Variants in MKRN1 observed in about 807,000 individuals in gnomAD.
The protein encoded by MKRN1 is makorin ring finger protein 1.
In MKRN1, 9 loss-of-function variants were observed where a neutral mutation model predicts 55.5. That is an observed-to-expected ratio of 0.16 (90% CI 0.10 to 0.28). The LOEUF (loss-of-function observed/expected upper bound fraction) is 0.28, where lower values mean the gene tolerates loss of function less well. Ranked by LOEUF, MKRN1 falls within the 10% of genes least tolerant of loss-of-function variation. The probability of loss-of-function intolerance (pLI) is 1.00; values close to 1 mark genes in which losing one functional copy is unlikely to be tolerated. For missense variants in MKRN1, 488 were observed against 626.7 expected (o/e 0.78, Z 2.36); for synonymous variants, 253 against 235.9 (o/e 1.07, Z -0.66).
intron 1 of MKRN1, among the ~76,000 whole-genome samples, chr7:140,476,675 G>A (rs1795127303): frequency 6.6e-6 from 1 of 151,506 alleles, no homozygotes; most frequent in Non-Finnish European, 1.5e-5. Context: ...CTCAGTAACT[G>A]AGTATCCTGT....
At chr7:140,464,648 T>C (rs1270169582) in intron 2 of MKRN1, among the ~76,000 whole-genome samples, 8 of 151,716 alleles carry the variant, frequency 5.3e-5, no homozygotes, top group Admixed American at 2.0e-4. Flanking sequence ...GAGGTTGCAG[T>C]GAGCCAAGAT....
chr7:140,473,427 C>A (rs764895891), intron 1 of MKRN1: 3 of 295,564 alleles, frequency 1.0e-5, no homozygotes, highest in Non-Finnish European at 2.0e-5. Context: ...CAAGAAACTG[C>A]CAAGTTACCC....
intron 2 of MKRN1, among the ~76,000 whole-genome samples, chr7:140,465,184 C>G (rs1159246182): frequency 6.6e-6 from 1 of 152,088 alleles, no homozygotes; most frequent in Non-Finnish European, 1.5e-5. Flanking sequence ...GGTCCAAAAA[C>G]CAAAACTCCA....
At chr7:140,476,464 T>A (rs1256318439) in intron 1 of MKRN1, among the ~76,000 whole-genome samples, 1 of 89,376 alleles carries the variant, frequency 1.1e-5, no homozygotes, top group East Asian at 2.8e-4. Context: ...AGAGCGACAC[T>A]CCATCTCAAA....
intron 1 of MKRN1, 192 bp from the exon 2 acceptor site, chr7:140,472,203 C>G (rs928052472): frequency 1.4e-6 from 1 of 691,064 alleles, no homozygotes; most frequent in African/African-American, 1.8e-5. Flanking sequence ...AGTGGCTCAC[C>G]TGAGGTCAGG....
intron 2 of MKRN1, among the ~76,000 whole-genome samples, chr7:140,463,831 G>C (rs1218999763): frequency 2.6e-5 from 4 of 152,024 alleles, no homozygotes; most frequent in Non-Finnish European, 5.9e-5. Context: ...CTTCCAGTGA[G>C]AGAGCTGAGA....
At chr7:140,463,774 A>G (rs543675036) in intron 2 of MKRN1, among the ~76,000 whole-genome samples, 2 of 151,864 alleles carry the variant, frequency 1.3e-5, no homozygotes, top group South Asian at 2.1e-4. Flanking sequence ...AGTCCCAGCT[A>G]CTCGGGAGGC....
At chr7:140,471,092 T>A (rs1001029639) in intron 2 of MKRN1, among the ~76,000 whole-genome samples, 1 of 152,064 alleles carries the variant, frequency 6.6e-6, no homozygotes, top group Admixed American at 6.6e-5. Context: ...CCTACTAAAT[T>A]TGGGGATGGG....
intron 4 of MKRN1, 65 bp downstream of exon 4, chr7:140,458,942 A>G: frequency 6.6e-7 from 1 of 1,524,860 alleles, no homozygotes; most frequent in Non-Finnish European, 9.1e-7. Context: ...TAAACCCACA[A>G]TGCTGTGAAA....
At chr7:140,455,059 G>C (rs1563085295) in intron 7 of MKRN1, 36 bp downstream of exon 7, 2 of 1,610,132 alleles carry the variant, frequency 1.2e-6, no homozygotes, top group East Asian at 4.5e-5. Flanking sequence ...TGATACCTTG[G>C]AATTTCCCCT....
intron 1 of MKRN1, among the ~76,000 whole-genome samples, chr7:140,474,082 G>A (rs1254155504): frequency 6.8e-6 from 1 of 147,730 alleles, no homozygotes; most frequent in Non-Finnish European, 1.5e-5. Context: ...AGACTGTAGG[G>A]TGGGCCCGGT....
rs547680236 is a variant in MKRN1 at position 140,459,632 on chromosome 7, A to C, written c.544+75T>G. 10 of 1,399,094 alleles carry C rather than the reference A, an allele frequency of 7.1e-6. No individual in the cohort carries two copies. In the Admixed American group the frequency reaches 1.8e-4, roughly 25 times the overall value. The allele number at this position is 1,399,094 out of a possible 1,614,324, so 86.7% of individuals were successfully genotyped here. A position where few individuals can be genotyped will look rare whatever the true frequency, so the allele number is the denominator to read the frequency against. ...AAAGGAATAGAAGCAGAAAGGGGAA[A>C]GTTGTCAAAACTAAGCAAATGGATG... On this transcript the variant is annotated intron_variant, in intron 3 of 7. Transcript: ENST00000255977.
rs1329510579 is a variant in MKRN1 at position 140,459,729 on chromosome 7, A to T, written c.522T>A (p.Pro174=). Reference sequence around the variant, plus strand: ...TACTACGGCCACAGTAGGGTTGCCCAGGAACAAACTCAATAGCATTCACCC... The same window carrying T: ...TACTACGGCCACAGTAGGGTTGCCCTGGAACAAACTCAATAGCATTCACCC... ...EDWVNAIEFV[P]GQPYCGRTAP... is the part of the protein sequence containing the mutation. Residue 174 remains proline, a synonymous_variant, in exon 3 of 8, where the codon CCT becomes CCA. Coordinates refer to ENST00000255977, the MANE Select transcript of MKRN1 (RefSeq NM_013446.4). 2 of 1,613,986 alleles carry T rather than the reference A, an allele frequency of 1.2e-6. No homozygotes were observed. The highest frequency in any genetic ancestry group is 3.3e-5 in the Admixed American group (2 of 60,006).
At chr7:140,473,360 G>C (rs1055868097) in intron 1 of MKRN1, 6 of 404,564 alleles carry the variant, frequency 1.5e-5, no homozygotes, top group Non-Finnish European at 2.4e-5. Context: ...AAATTTACTA[G>C]AATCCCCCTA....
intron 1 of MKRN1, among the ~76,000 whole-genome samples, chr7:140,475,702 A>G (rs1401846288): frequency 6.6e-6 from 1 of 152,114 alleles, no homozygotes; most frequent in East Asian, 1.9e-4. Flanking sequence ...TCAAGAAAAG[A>G]GTTTTTTGAA....
At chr7:140,467,704 T>C (rs1794812473) in intron 2 of MKRN1, among the ~76,000 whole-genome samples, 1 of 152,034 alleles carries the variant, frequency 6.6e-6, no homozygotes, top group African/African-American at 2.4e-5. Flanking sequence ...AATAAGATGG[T>C]TAATACACAG....
chr7:140,466,790 G>A (rs980338923), intron 2 of MKRN1, among the ~76,000 whole-genome samples: 5 of 130,112 alleles, frequency 3.8e-5, no homozygotes, highest in Non-Finnish European at 7.6e-5. Context: ...CGGCCTGGGC[G>A]ACAGAGCGAG....
intron 2 of MKRN1, among the ~76,000 whole-genome samples, chr7:140,460,434 C>T (rs555411518): frequency 6.6e-5 from 10 of 151,022 alleles, no homozygotes; most frequent in African/African-American, 2.2e-4. Flanking sequence ...CTCAGCCTCC[C>T]AAGTAGCTGG....
Position 140,456,839 on chromosome 7 carries a change from T to G in MKRN1, c.799A>C (p.Met267Leu). 6.2e-7 allele frequency: 1 copy of G among 1,613,944 alleles called. No homozygotes were observed. The highest frequency in any genetic ancestry group is 1.1e-5 in the South Asian group (1 of 91,066). The change falls in exon 5 of 8, where the codon ATG becomes CTG. Residue 267 changes from methionine (M) to leucine (L), a missense_variant. Physicochemically the swap from Met to Leu is conservative, Grantham distance 15. This residue lies in a region of MKRN1 where 278 missense variants were observed against 406.7 expected (regional missense o/e 0.68). Coordinates refer to ENST00000255977, the MANE Select transcript of MKRN1 (RefSeq NM_013446.4). The part of the protein sequence containing the change: ...KSCIEAHEKD[M>L]ELSFAVQRSK... ...CGCTGCACGGCAAATGAGAGCTCCA[T>G]GTCCTTCTCATGGGCCTCAATGCAC... is the stretch of plus-strand genomic sequence containing the variant.
Sources: gnomAD v4.1 joint callset for allele counts (sites outside exome capture counted in the v4.1 genomes callset) on GRCh38, gnomAD v4.1.1 for gene constraint, gnomAD v4.1.1 regional missense constraint, MANE v1.5 for transcripts, NCBI Gene and HGNC (gene_info 2026-07-23, HGNC 2026-07-21) for gene names.